CFAP61: variants seen among roughly 807,000 people sequenced by gnomAD.
CFAP61 encodes the protein cilia- and flagella-associated protein 61.
Under a neutral mutation model 135.6 loss-of-function variants are expected in CFAP61, and 107 were observed. The ratio of observed to expected loss-of-function variants is 0.79; its 90% CI spans 0.67 to 0.93. The LOEUF is 0.93. CFAP61 is among the 40% of genes least tolerant of loss of function. The pLI is 0.00. For missense variants in CFAP61, 1,507 were observed against 1,556.2 expected, an observed-to-expected ratio of 0.97 and a Z score of 0.53; for synonymous variants, 575 against 578.5, an observed-to-expected ratio of 0.99 and a Z score of 0.09.
chr20:20,333,356 A>C (rs2058066994), intron 25 of CFAP61, among the ~76,000 whole-genome samples: 1 of 152,222 alleles, frequency 6.6e-6, no homozygotes, highest in South Asian at 2.1e-4. Flanking sequence ...TGAGACTAAG[A>C]GAGACTAACG....
At chr20:20,256,689 C>T (rs2051617416) in intron 20 of CFAP61, among the ~76,000 whole-genome samples, 1 of 152,186 alleles carries the variant, frequency 6.6e-6, no homozygotes, top group African/African-American at 2.4e-5. Flanking sequence ...CAGGAGAAAA[C>T]AGGGTCTGAT....
At chr20:20,139,850 CTT>C (rs2051229269) in intron 8 of CFAP61, among the ~76,000 whole-genome samples, 1 of 152,192 alleles carries the variant, frequency 6.6e-6, no homozygotes, top group Admixed American at 6.5e-5. Context: ...GTCTTTAAGA[CTT>C]TTTACTTTTT....
At chr20:20,135,894 C>T (rs1395662810) in intron 8 of CFAP61, among the ~76,000 whole-genome samples, 1 of 152,164 alleles carries the variant, frequency 6.6e-6, no homozygotes, top group Admixed American at 6.5e-5. Context: ...GATTGAAGAA[C>T]TCCCTTTAAC....
intron 20 of CFAP61, among the ~76,000 whole-genome samples, chr20:20,262,172 G>C (rs1224770868): frequency 6.6e-6 from 1 of 152,126 alleles, no homozygotes; most frequent in African/African-American, 2.4e-5. Context: ...CCAGAGCCTT[G>C]CCCCTCCTAC....
At chr20:20,222,367 C>G (rs570532317) in intron 17 of CFAP61, among the ~76,000 whole-genome samples, 8 of 152,164 alleles carry the variant, frequency 5.3e-5, no homozygotes, top group South Asian at 2.1e-4. Context: ...TAGAGGCTAC[C>G]ATGGCCCACT....
chr20:20,142,961 A>AT lies in CFAP61; in HGVS notation c.951+14dup. On this transcript the variant is annotated intron_variant, in intron 9 of 26. Coordinates refer to ENST00000245957, the MANE Select transcript of CFAP61 (RefSeq NM_015585.4). ...GGAAAACATCCAGGTGAGAGAGACTATCCCTCCATGCCTAGGGTGGGGGGA... is the reference window on the plus strand; with the variant it reads ...GGAAAACATCCAGGTGAGAGAGACTATTCCCTCCATGCCTAGGGTGGGGGGA... 6.6e-7 allele frequency: 1 copy of AT among 1,520,196 alleles called. No individual in the cohort carries two copies. Among genetic ancestry groups the AT allele is most frequent in the Non-Finnish European group, 9.0e-7 (1 of 1,108,902 alleles). 94.2% of individuals were successfully genotyped at this position (1,520,196 alleles called of 1,614,324 possible).
intron 24 of CFAP61, among the ~76,000 whole-genome samples, chr20:20,295,207 G>A (rs567072292): frequency 1.3e-5 from 2 of 152,260 alleles, no homozygotes; most frequent in South Asian, 4.1e-4. Flanking sequence ...ATCCAAGTCA[G>A]CCCTCCTAAA....
intron 17 of CFAP61, among the ~76,000 whole-genome samples, chr20:20,203,137 G>A (rs2056703755): frequency 6.6e-6 from 1 of 152,076 alleles, no homozygotes; most frequent in South Asian, 2.1e-4. Context: ...CTTCCCCGTC[G>A]TTTCTATTAA....
intron 6 of CFAP61, among the ~76,000 whole-genome samples, chr20:20,076,058 T>C (rs1010599022): frequency 1.2e-4 from 18 of 152,116 alleles, no homozygotes; most frequent in African/African-American, 4.3e-4. Flanking sequence ...AGTCCAGCAG[T>C]CTTAGGGAGA....
At chr20:20,182,296 GTT>G (rs1434681740) in intron 13 of CFAP61, among the ~76,000 whole-genome samples, 6 of 152,128 alleles carry the variant, frequency 3.9e-5, no homozygotes, top group African/African-American at 1.4e-4. Flanking sequence ...TTTAATTAGT[GTT>G]TTTTGTTGAG....
intron 6 of CFAP61, among the ~76,000 whole-genome samples, chr20:20,086,148 C>CTTTT (rs879817698): frequency 2.2e-4 from 31 of 142,636 alleles, no homozygotes; most frequent in African/African-American, 7.8e-4. Flanking sequence ...TTGCCAGTTT[C>CTTTT]TTTTTTTTTT....
Position 20,288,806 on chromosome 20 carries a change from T to G in CFAP61, c.2994T>G (p.Ser998Arg). Residue 998 changes from serine (S) to arginine (R), a missense_variant, in exon 23 of 27, where the codon AGT becomes AGG. Coordinates refer to ENST00000245957, the MANE Select transcript of CFAP61 (RefSeq NM_015585.4). ...ATGAGTGGACTCACAGCAACTTCAG[T>G]TCCAAAGAAATTGGCTTTCAGCTGG... ...YSNEWTHSNF[S>R]SKEIGFQLAA... 1 of 1,614,194 alleles carries G rather than the reference T, an allele frequency of 6.2e-7. No individual in the cohort carries two copies. Among genetic ancestry groups the G allele is most frequent in the Middle Eastern group, 1.6e-4 (1 of 6,062 alleles).
At chr20:20,233,477 G>A (rs778139149) in intron 18 of CFAP61, among the ~76,000 whole-genome samples, 2 of 152,178 alleles carry the variant, frequency 1.3e-5, no homozygotes, top group African/African-American at 2.4e-5. Context: ...CAGGCAGCAC[G>A]GACATCCACA....
In CFAP61 at chr20:20,169,410, C is replaced by G. The variant is rs1448099615; in HGVS notation, c.1335C>G (p.Thr445=). 1 of 1,614,052 alleles carries G rather than the reference C, an allele frequency of 6.2e-7. No individual in the cohort carries two copies. The highest frequency in any genetic ancestry group is 8.5e-7 in the Non-Finnish European group (1 of 1,179,972). The change falls in exon 13 of 27, where the codon ACC becomes ACG. Residue 445 remains threonine (T), a synonymous_variant. Coordinates refer to ENST00000245957, the MANE Select transcript of CFAP61 (RefSeq NM_015585.4). ...TCGTGAAAATGGTCCCTTTCAACAC[C>G]TGCACCCTCGAGCAGGACCTCTACG... The part of the protein sequence containing the change: ...QNFVKMVPFN[T]CTLEQDLYVF...
At chr20:20,171,594 GT>G (rs2146827110) in intron 13 of CFAP61, among the ~76,000 whole-genome samples, 1 of 152,278 alleles carries the variant, frequency 6.6e-6, no homozygotes, top group East Asian at 1.9e-4. Flanking sequence ...TGTTGCCGAT[GT>G]CTCAAAAATA....
At chr20:20,320,109 T>C (rs1327502448) in intron 25 of CFAP61, among the ~76,000 whole-genome samples, 2 of 151,224 alleles carry the variant, frequency 1.3e-5, no homozygotes, top group East Asian at 1.9e-4. Flanking sequence ...AACAAATAAA[T>C]TGCAAGAAAT....
chr20:20,066,003 A>G (rs73605570), intron 2 of CFAP61, among the ~76,000 whole-genome samples: 12,156 of 152,142 alleles, frequency 0.08, 1,367 homozygotes, highest in East Asian at 0.6. Context: ...AAAAAAAACA[A>G]CCCCATCAAA....
At chr20:20,083,694 A>G (rs1315737291) in intron 6 of CFAP61, among the ~76,000 whole-genome samples, 1 of 152,190 alleles carries the variant, frequency 6.6e-6, no homozygotes, top group Non-Finnish European at 1.5e-5. Context: ...GCATTCCAAA[A>G]GAAGGGATAG....
rs1157165761 is a variant in CFAP61 at position 20,351,221 on chromosome 20, C to CA, written c.3514-8983dup. On this transcript the variant is annotated intron_variant, in intron 26 of 26. Coordinates refer to ENST00000245957, the MANE Select transcript of CFAP61 (RefSeq NM_015585.4). Reference sequence around the variant, plus strand: ...CACATAAAATCCTTAAAGACTCCACCAAAAAACTTTTGGAACTGATAAGTG... The same window carrying CA: ...CACATAAAATCCTTAAAGACTCCACCAAAAAAACTTTTGGAACTGATAAGTG... 4.6e-5 allele frequency among the ~76,000 whole-genome samples: 7 copies of CA among 151,872 alleles called. No homozygotes were observed. The East Asian group carries it at 1.3e-3, about 29-fold the overall frequency.
Sources: allele counts gnomAD v4.1 joint callset (sites outside exome capture counted in the v4.1 genomes callset), GRCh38; gene constraint gnomAD v4.1.1; transcripts MANE v1.5; gene names NCBI Gene and HGNC (gene_info 2026-07-23, HGNC 2026-07-21).